EPHA6: variants seen among roughly 807,000 people sequenced by gnomAD.
EPHA6 encodes EPH receptor A6.
A neutral mutation model predicts 112.0 loss-of-function variants in EPHA6; 50 were observed. That is an observed-to-expected ratio of 0.45 (90% CI 0.36 to 0.56). The LOEUF (loss-of-function observed/expected upper bound fraction) is 0.56. Among genes scored for constraint, EPHA6 ranks in the 20% least tolerant of loss-of-function variants. The pLI, the probability that EPHA6 is intolerant of heterozygous loss-of-function variation, is 0.00. For missense variants in EPHA6, 1,280 were observed against 1,417.4 expected (o/e 0.90, Z 1.56); for synonymous variants, 529 against 490.7 (o/e 1.08, Z -1.03).
intron 14 of EPHA6, among the ~76,000 whole-genome samples, chr3:97,641,372 A>G (rs1490842286): frequency 6.6e-6 from 1 of 152,218 alleles, no homozygotes; most frequent in East Asian, 1.9e-4. Context: ...AGTCAATTCA[A>G]GCAAACCCTG....
At chr3:96,823,253 A>G (rs2033406744) in intron 1 of EPHA6, among the ~76,000 whole-genome samples, 1 of 151,794 alleles carries the variant, frequency 6.6e-6, no homozygotes, top group South Asian at 2.1e-4. Flanking sequence ...GATATCTCAC[A>G]CAAGTAAAAT....
intron 1 of EPHA6, among the ~76,000 whole-genome samples, chr3:96,829,511 A>G (rs942193963): frequency 6.6e-6 from 1 of 151,920 alleles, no homozygotes; most frequent in African/African-American, 2.4e-5. Context: ...TAGGAGGAAT[A>G]TGTGCCCTTC....
intron 3 of EPHA6, among the ~76,000 whole-genome samples, chr3:97,210,350 A>G (rs184105459): frequency 6.4e-4 from 97 of 152,292 alleles, no homozygotes; most frequent in African/African-American, 2.3e-3. Context: ...AAGACGGAAG[A>G]GCCCCTTATG....
chr3:96,873,977 A>G (rs1185462655), intron 2 of EPHA6, among the ~76,000 whole-genome samples: 1 of 152,102 alleles, frequency 6.6e-6, no homozygotes, highest in African/African-American at 2.4e-5. Flanking sequence ...ACCTGAGAAG[A>G]GTTTCAGAAC....
chr3:97,483,841 C>A, intron 9 of EPHA6, 93 bp from the exon 10 acceptor site: 1 of 1,253,632 alleles, frequency 8.0e-7, no homozygotes, highest in Middle Eastern at 2.7e-4. Context: ...AGACTGACTA[C>A]TTCAGTATGT....
chr3:97,389,337 A>T (rs1341280766), intron 5 of EPHA6, among the ~76,000 whole-genome samples: 1 of 152,186 alleles, frequency 6.6e-6, no homozygotes, highest in African/African-American at 2.4e-5. Context: ...TATGGTCATG[A>T]TGTGTGCTGG....
chr3:96,933,428 CTTTAG>C (rs139780352), intron 2 of EPHA6, among the ~76,000 whole-genome samples: 2,803 of 152,070 alleles, frequency 0.018, 66 homozygotes, highest in African/African-American at 0.05. Flanking sequence ...TTTATAAAAA[CTTTAG>C]TTTAACTATT....
intron 2 of EPHA6, among the ~76,000 whole-genome samples, chr3:96,936,741 T>C (rs991192123): frequency 3.3e-5 from 5 of 152,156 alleles, no homozygotes; most frequent in Non-Finnish European, 7.4e-5. Context: ...GTATATCTCC[T>C]AATGCTATCC....
chr3:97,376,859 T>G (rs773465232), intron 5 of EPHA6, among the ~76,000 whole-genome samples: 11 of 152,332 alleles, frequency 7.2e-5, no homozygotes, highest in Non-Finnish European at 1.2e-4. Context: ...GATTCCACAT[T>G]TTCAGACTGC....
chr3:97,481,046 G>A (rs2091526801), intron 9 of EPHA6: 2 of 411,120 alleles, frequency 4.9e-6, no homozygotes, highest in Non-Finnish European at 9.3e-6. Context: ...CGGCCAGGCA[G>A]AGAGGCTCCT....
intron 5 of EPHA6, among the ~76,000 whole-genome samples, chr3:97,378,550 T>G (rs1399326775): frequency 6.6e-6 from 1 of 151,944 alleles, no homozygotes; most frequent in East Asian, 1.9e-4. Flanking sequence ...CTGCAGACAC[T>G]CAATGCCAGC....
chr3:97,532,551 A>G lies in EPHA6; in HGVS notation c.2386+8A>G. 6.3e-7 allele frequency: 1 copy of G among 1,586,276 alleles called. No individual in the cohort carries two copies. The highest frequency in any genetic ancestry group is 1.2e-5 in the South Asian group (1 of 86,612). Reference sequence around the variant, plus strand: ...AAGGGGTTGTCACCAAAAGTAAGTTACTGAGTTTCTTCATTACTTCTTTCA... The same window carrying G: ...AAGGGGTTGTCACCAAAAGTAAGTTGCTGAGTTTCTTCATTACTTCTTTCA... On this transcript the variant is annotated splice_region_variant and intron_variant, in intron 11 of 17. Coordinates refer to ENST00000389672, the MANE Select transcript of EPHA6 (RefSeq NM_001080448.3).
In EPHA6 at chr3:97,244,043, A is replaced by G. The variant is rs1446031432; in HGVS notation, c.1362A>G (p.Arg454=). The change falls in exon 5 of 18, where the codon AGA becomes AGG. Residue 454 remains arginine, a synonymous_variant. Coordinates refer to ENST00000389672, the MANE Select transcript of EPHA6 (RefSeq NM_001080448.3). The part of the protein sequence containing the change: ...EWSPPSDTGG[R]KDLTYSVICK... ...GCCCACCAAGTGACACAGGAGGGAG[A>G]AAAGATCTCACATACAGTGTAATCT... The G allele has an allele frequency of 6.2e-7, 1 of 1,612,642 alleles. No homozygotes were observed. Among genetic ancestry groups the G allele is most frequent in the African/African-American group, 1.3e-5 (1 of 74,852 alleles).
At chr3:97,023,107 C>A (rs1161862731) in intron 3 of EPHA6, among the ~76,000 whole-genome samples, 1 of 152,118 alleles carries the variant, frequency 6.6e-6, no homozygotes, top group Admixed American at 6.5e-5. Context: ...GAGATGGAGT[C>A]TCATTCTGTT....
chr3:96,869,479 A>G (rs2036515152), intron 2 of EPHA6, among the ~76,000 whole-genome samples: 1 of 151,980 alleles, frequency 6.6e-6, no homozygotes, highest in African/African-American at 2.4e-5. Flanking sequence ...TATTTCATGT[A>G]TGTATCAGGT....
chr3:97,491,647 A>G, intron 10 of EPHA6, among the ~76,000 whole-genome samples: 1 of 144,204 alleles, frequency 6.9e-6, no homozygotes, highest in South Asian at 2.2e-4. Flanking sequence ...GGTTTATGAG[A>G]GTTGAATCTG....
chr3:97,655,087 ATATATTATATGT>A (rs1406147928), intron 14 of EPHA6, among the ~76,000 whole-genome samples: 2 of 148,148 alleles, frequency 1.3e-5, no homozygotes, highest in East Asian at 3.9e-4. Flanking sequence ...GAGAAAATAT[ATATATTATATGT>A]TATATATTAT....
chr3:96,858,901 C>T (rs771901519), intron 1 of EPHA6, among the ~76,000 whole-genome samples: 7 of 152,028 alleles, frequency 4.6e-5, no homozygotes, highest in Non-Finnish European at 7.4e-5. Flanking sequence ...ATGTCCACTT[C>T]GATTTTATTT....
At chr3:96,865,353 A>G (rs1343922443) in intron 1 of EPHA6, among the ~76,000 whole-genome samples, 1 of 152,038 alleles carries the variant, frequency 6.6e-6, no homozygotes, top group East Asian at 1.9e-4. Context: ...GGTGCCAAAT[A>G]ACATACTCAC....
Sources: allele counts gnomAD v4.1 joint callset (sites outside exome capture counted in the v4.1 genomes callset), GRCh38; gene constraint gnomAD v4.1.1; transcripts MANE v1.5; gene names NCBI Gene and HGNC (gene_info 2026-07-23, HGNC 2026-07-21).